The following BSN variants were observed in gnomAD, a reference collection of about 807,000 sequenced individuals.
The protein encoded by BSN is protein bassoon.
Under a neutral mutation model 264.8 loss-of-function variants are expected in BSN, and 57 were observed. The ratio of observed to expected loss-of-function variants is 0.22; its 90% CI spans 0.17 to 0.27. BSN has a LOEUF of 0.27. Ranked by LOEUF, BSN falls within the 10% of genes least tolerant of loss-of-function variation. BSN has a pLI of 1.00. For synonymous variants in BSN, 2,059 were observed against 2,137.3 expected, an observed-to-expected ratio of 0.96 and a Z score of 1.01; for missense variants, 4,615 against 5,232.5, an observed-to-expected ratio of 0.88 and a Z score of 3.64.
At chr3:49,612,713 A>T (rs2052218230) in intron 1 of BSN, among the ~76,000 whole-genome samples, 1 of 152,202 alleles carries the variant, frequency 6.6e-6, no homozygotes, top group African/African-American at 2.4e-5. Context: ...AAACAAAGGA[A>T]ATTCAAAATG....
At chr3:49,598,185 T>C (rs764112387) in intron 1 of BSN, among the ~76,000 whole-genome samples, 2 of 152,238 alleles carry the variant, frequency 1.3e-5, no homozygotes, top group Non-Finnish European at 2.9e-5. Context: ...GGTTACACTT[T>C]CCTGTTGCTT....
intron 5 of BSN, among the ~76,000 whole-genome samples, chr3:49,658,903 G>C (rs1321717698): frequency 6.6e-6 from 1 of 152,246 alleles, no homozygotes; most frequent in Non-Finnish European, 1.5e-5. Flanking sequence ...TGAGAATAGA[G>C]GGTTGTGAGG....
intron 1 of BSN, among the ~76,000 whole-genome samples, chr3:49,613,909 T>G (rs2052233356): frequency 6.6e-6 from 1 of 152,090 alleles, no homozygotes; most frequent in Non-Finnish European, 1.5e-5. Flanking sequence ...GAATAAAAAC[T>G]TCTAGAGATA....
rs753721263 is a variant in BSN, at chr3:49,650,904, G to T, written c.1811G>T (p.Ser604Ile). 13 of 1,614,148 alleles carry T rather than the reference G, an allele frequency of 8.1e-6. No homozygotes were observed. In the South Asian group the frequency reaches 1.4e-4, roughly 18 times the overall value. ...RASEPSKTPS[S>I]VQEKKTRVPT... ...TCTGAACCCAGCAAGACCCCAAGCAGTGTCCAGGAAAAGAAGACCCGAGTC... is the reference window on the plus strand; with the variant it reads ...TCTGAACCCAGCAAGACCCCAAGCATTGTCCAGGAAAAGAAGACCCGAGTC... The change falls in exon 4 of 12, where the codon AGT becomes ATT. Residue 604 changes from serine to isoleucine, a missense_variant. This residue lies in a region of BSN where 1,197 missense variants were observed against 1,348.0 expected (regional missense o/e 0.89). Transcript: ENST00000296452.
chr3:49,584,768 A>G (rs1412587863), intron 1 of BSN, among the ~76,000 whole-genome samples: 1 of 151,734 alleles, frequency 6.6e-6, no homozygotes, highest in African/African-American at 2.4e-5. Context: ...AACCATCCTC[A>G]CCTCTTCCAC....
chr3:49,606,103 A>ATT lies in BSN; in HGVS notation c.225-18872_225-18871insTT, dbSNP rs1559603325. 1.2e-3 allele frequency among the ~76,000 whole-genome samples: 44 copies of ATT among 35,516 alleles called. 4 individuals carry two copies. Among genetic ancestry groups the ATT allele is most frequent in the African/African-American group, 5.2e-3 (44 of 8,530 alleles). 23.3% of individuals were successfully genotyped at this position (35,516 alleles called of 152,430 possible). On this transcript the variant is annotated intron_variant, in intron 1 of 11. Coordinates refer to ENST00000296452, the MANE Select transcript of BSN (RefSeq NM_003458.4). ...ATATAATTTTTTATATATAACATAT[A>ATT]ATATATAATATATACGTATATATTA...
At chr3:49,633,193 T>C (rs1340340675) in intron 2 of BSN, among the ~76,000 whole-genome samples, 1 of 151,054 alleles carries the variant, frequency 6.6e-6, no homozygotes. Context: ...TCCTAGCTGC[T>C]CAGGAGGCTG....
At chr3:49,556,628 G>A (rs566658996) in intron 1 of BSN, among the ~76,000 whole-genome samples, 1 of 152,270 alleles carries the variant, frequency 6.6e-6, no homozygotes, top group African/African-American at 2.4e-5. Context: ...ATTAGGAGGT[G>A]GGATTTACTC....
chr3:49,672,744 G>A (rs898145417), downstream of BSN, among the ~76,000 whole-genome samples: 3 of 150,234 alleles, frequency 2.0e-5, no homozygotes, highest in Non-Finnish European at 4.4e-5. Context: ...GCCTCCCAAA[G>A]TGCTAGGATT....
chr3:49,642,433 C>T lies in BSN; in HGVS notation c.799C>T (p.Arg267Trp), dbSNP rs775241611. The change falls in exon 3 of 12, where the codon CGG (arginine) becomes TGG (tryptophan). Residue 267 changes from arginine to tryptophan, a missense_variant. By Grantham distance (101) the Arg-to-Trp change is moderately radical. Around this residue, in one of 3 missense-constraint regions of BSN, gnomAD observed 1,197 missense variants for 1,348.0 expected, o/e 0.89. Coordinates refer to ENST00000296452, the MANE Select transcript of BSN (RefSeq NM_003458.4). This position sits in a 1 kb window ranked among gnomAD's most constrained non-coding sequence, Gnocchi z 7.0. ...GGGGAAGCCAGACCAAGAGAGATCT[C>T]GGGGCCCAGGAGGACCACAGCCTGG... The part of the protein sequence containing the change: ...PLGKPDQERS[R>W]GPGGPQPGSR... The T allele has an allele frequency of 4.4e-5, 70 of 1,598,860 alleles. No individual in the cohort carries two copies. The highest frequency in any genetic ancestry group is 1.7e-4 in the Middle Eastern group (1 of 6,060).
rs753805074 is a variant in BSN at position 49,661,056 on chromosome 3, A to T, written c.9211A>T (p.Thr3071Ser). Residue 3071 changes from threonine (T) to serine (S), a missense_variant, in exon 6 of 12, where the codon ACT becomes TCT. Physicochemically the swap from Thr to Ser is moderately conservative, Grantham distance 58. This residue lies in a region of BSN where 3,415 missense variants were observed against 3,866.4 expected (regional missense o/e 0.88). Transcript: ENST00000296452. ...PQYSAGSGGP[T>S]QNGFPAHQAP... is the part of the protein sequence containing the mutation. ...GTATTCTGCAGGCAGTGGTGGGCCA[A>T]CTCAGAACGGATTCCCAGCCCACCA... 1.7e-5 allele frequency: 27 copies of T among 1,611,670 alleles called. No homozygotes were observed. In the African/African-American group the frequency reaches 3.2e-4, roughly 19 times the overall value.
At chr3:49,568,799 G>A (rs970486736) in intron 1 of BSN, among the ~76,000 whole-genome samples, 2 of 152,188 alleles carry the variant, frequency 1.3e-5, no homozygotes, top group African/African-American at 4.8e-5. Flanking sequence ...GTGTGTCTGT[G>A]CGATAGTTTC....
chr3:49,567,959 G>T (rs1009571484), intron 1 of BSN, among the ~76,000 whole-genome samples: 2 of 152,204 alleles, frequency 1.3e-5, no homozygotes, highest in African/African-American at 4.8e-5. Flanking sequence ...TCTCCATGTG[G>T]GCTCATTTGG....
At chr3:49,582,432 A>T (rs746228870) in intron 1 of BSN, among the ~76,000 whole-genome samples, 1 of 152,182 alleles carries the variant, frequency 6.6e-6, no homozygotes, top group Non-Finnish European at 1.5e-5. Context: ...GCTTCAGCCT[A>T]CTGAGGAACT....
At chr3:49,562,429 T>A (rs1405511543) in intron 1 of BSN, among the ~76,000 whole-genome samples, 1 of 152,200 alleles carries the variant, frequency 6.6e-6, no homozygotes, top group African/African-American at 2.4e-5. Flanking sequence ...TAGCCTCAAC[T>A]TCTTCTTCCT....
Position 49,658,150 on chromosome 3 carries a change from A to G in BSN, c.8594A>G (p.Lys2865Arg), listed in dbSNP as rs1451005380. The G allele has an allele frequency of 3.8e-6, 6 of 1,598,520 alleles. No individual in the cohort carries two copies. Among genetic ancestry groups the G allele is most frequent in the Non-Finnish European group, 5.1e-6 (6 of 1,169,920 alleles). The change falls in exon 5 of 12, where the codon AAA (lysine) becomes AGA (arginine). Residue 2865 changes from lysine to arginine, a missense_variant. Physicochemically the swap from Lys to Arg is conservative, Grantham distance 26. Coordinates refer to ENST00000296452, the MANE Select transcript of BSN (RefSeq NM_003458.4). ...PLSPTAEESA[K>R]ERFSLYQHQG... ...AGCCCCACCGCCGAAGAGTCTGCCAAAGAGAGATTCTCCCTCTACCAGCAC... is the reference window on the plus strand; with the variant it reads ...AGCCCCACCGCCGAAGAGTCTGCCAGAGAGAGATTCTCCCTCTACCAGCAC...
chr3:49,624,906 T>G (rs1196868754), intron 1 of BSN, 69 bp from the exon 2 acceptor site: 3 of 1,433,780 alleles, frequency 2.1e-6, no homozygotes, highest in African/African-American at 2.9e-5. Context: ...GTCACCTAGC[T>G]TGGTAGAGAC....
intron 1 of BSN, among the ~76,000 whole-genome samples, chr3:49,592,726 G>A (rs1462898691): frequency 2.6e-5 from 4 of 151,112 alleles, no homozygotes; most frequent in East Asian, 2.0e-4. Flanking sequence ...ACTCTGGCCC[G>A]GGTGACAGAG....
rs1575447534 is a variant in BSN at position 49,651,238 on chromosome 3, C to G, written c.1986+159C>G. 2.7e-6 allele frequency: 2 copies of G among 749,086 alleles called. No homozygotes were observed. Among genetic ancestry groups the G allele is most frequent in the Non-Finnish European group, 4.2e-6 (2 of 479,124 alleles). The allele number at this position is 749,086 out of a possible 1,614,324, so 46.4% of individuals were successfully genotyped here. On this transcript the variant is annotated intron_variant, in intron 4 of 11. Coordinates refer to ENST00000296452, the MANE Select transcript of BSN (RefSeq NM_003458.4). The surrounding 1 kb of genome is among the most constrained non-coding windows in gnomAD (Gnocchi z 5.4). ...GTAGAAGGAAAGTCTAGATGAGGTTCTGGCACGCTTGGAGACTGTGGGTTT... is the reference window on the plus strand; with the variant it reads ...GTAGAAGGAAAGTCTAGATGAGGTTGTGGCACGCTTGGAGACTGTGGGTTT...
Sources: gnomAD v4.1 joint callset for allele counts (sites outside exome capture counted in the v4.1 genomes callset) on GRCh38, gnomAD v4.1.1 for gene constraint, gnomAD v4.1.1 regional missense constraint, Gnocchi (gnomAD v3.1) non-coding constraint, MANE v1.5 for transcripts, NCBI Gene and HGNC (gene_info 2026-07-23, HGNC 2026-07-21) for gene names.